HSPA12A: variants seen among roughly 807,000 people sequenced by gnomAD.
HSPA12A encodes heat shock 70 kDa protein 12A.
Under a neutral mutation model 69.2 loss-of-function variants are expected in HSPA12A, and 28 were observed. The ratio of observed to expected loss-of-function variants is 0.40; its 90% CI spans 0.30 to 0.55. The LOEUF is 0.55. HSPA12A is among the 20% of genes least tolerant of loss of function. HSPA12A has a pLI of 0.38. For missense variants in HSPA12A, 686 were observed against 900.7 expected, an observed-to-expected ratio of 0.76 and a Z score of 3.05; for synonymous variants, 345 against 370.5, an observed-to-expected ratio of 0.93 and a Z score of 0.79.
intron 6 of HSPA12A, among the ~76,000 whole-genome samples, chr10:116,685,875 C>A (rs943325848): frequency 6.6e-6 from 1 of 152,180 alleles, no homozygotes; most frequent in African/African-American, 2.4e-5. Context: ...GGAAGGCTGA[C>A]TTTATAAAAC....
upstream of HSPA12A, among the ~76,000 whole-genome samples, chr10:116,747,451 C>T (rs1437279547): frequency 3.9e-5 from 6 of 152,328 alleles, no homozygotes; most frequent in East Asian, 3.9e-4. Context: ...ATTAATAAGA[C>T]GGGACATCCC....
At chr10:116,689,586 A>G (rs1447269473) in intron 6 of HSPA12A, among the ~76,000 whole-genome samples, 7 of 151,496 alleles carry the variant, frequency 4.6e-5, no homozygotes, top group African/African-American at 1.7e-4. Flanking sequence ...TCTCCAGAGA[A>G]ACAGAAGCAG....
rs140350247 is a variant in HSPA12A, at chr10:116,694,825, C to G, written c.547-2358G>C. Among the ~76,000 whole-genome samples, 949 of 152,302 alleles carry G rather than the reference C, an allele frequency of 6.2e-3. 5 individuals are homozygous for G. Among genetic ancestry groups the G allele is most frequent in the Middle Eastern group, 0.014 (4 of 294 alleles). ...CCTGGGTCCACCTCGTTGTGCCCCTCCCCTTCTGCCCTTTTGCCGCCTGGA... is the reference window on the plus strand; with the variant it reads ...CCTGGGTCCACCTCGTTGTGCCCCTGCCCTTCTGCCCTTTTGCCGCCTGGA... On this transcript the variant is annotated intron_variant, in intron 5 of 11. Transcript: ENST00000369209.
intron 2 of HSPA12A, chr10:116,832,960 G>T (rs1845646857): frequency 6.6e-6 from 1 of 152,136 alleles, no homozygotes; most frequent in Non-Finnish European, 1.5e-5. Context: ...GCAGCGGGTA[G>T]GAAAGAGGTC....
At chr10:116,810,469 G>T (rs975532836) in intron 2 of HSPA12A, among the ~76,000 whole-genome samples, 1 of 152,122 alleles carries the variant, frequency 6.6e-6, no homozygotes, top group African/African-American at 2.4e-5. Flanking sequence ...TGAAGGTAAA[G>T]TTATGTTTCA....
At chr10:116,685,748 G>T (rs979797997) in intron 6 of HSPA12A, among the ~76,000 whole-genome samples, 27 of 152,066 alleles carry the variant, frequency 1.8e-4, no homozygotes, top group Admixed American at 5.9e-4. Flanking sequence ...GCTCAGGATA[G>T]AGAGATTTCC....
intron 2 of HSPA12A, among the ~76,000 whole-genome samples, chr10:116,815,780 G>A (rs1200983436): frequency 3.9e-5 from 6 of 152,296 alleles, no homozygotes; most frequent in African/African-American, 1.2e-4. Context: ...CACTCTGCCT[G>A]CTGCTCGGCA....
At chr10:116,711,726 C>T (rs1176610646) in intron 1 of HSPA12A, among the ~76,000 whole-genome samples, 2 of 141,874 alleles carry the variant, frequency 1.4e-5, no homozygotes, top group African/African-American at 2.6e-5. Context: ...TGCAGTGGTG[C>T]GATCTCGGCT....
rs782674186 is a variant in HSPA12A at position 116,679,682 on chromosome 10, T to C, written c.1107A>G (p.Glu369=). 1.2e-6 allele frequency: 2 copies of C among 1,614,240 alleles called. No individual in the cohort carries two copies. Among genetic ancestry groups the C allele is most frequent in the Non-Finnish European group, 1.7e-6 (2 of 1,180,036 alleles). Residue 369 remains glutamate, a synonymous_variant, in exon 10 of 12, where the codon GAA becomes GAG. Transcript: ENST00000369209. ...LYKIFGEDFI[E]QFKIKRPAAW... is the part of the protein sequence containing the mutation. Reference sequence around the variant, plus strand: ...CTGCAGGGCGTTTGATTTTGAATTGTTCAATAAAATCCTCTCCAAATATTT... The same window carrying C: ...CTGCAGGGCGTTTGATTTTGAATTGCTCAATAAAATCCTCTCCAAATATTT...
intron 2 of HSPA12A, among the ~76,000 whole-genome samples, chr10:116,816,665 G>A (rs1589723189): frequency 6.6e-6 from 1 of 152,156 alleles, no homozygotes; most frequent in Non-Finnish European, 1.5e-5. Context: ...GCAGCTGCGT[G>A]GTCTCCCTGA....
chr10:116,834,898 C>G, intron 2 of HSPA12A: 2 of 1,134,822 alleles, frequency 1.8e-6, no homozygotes, highest in Non-Finnish European at 2.2e-6. Flanking sequence ...ATTTCAGATG[C>G]CAGTTTGATA....
intron 9 of HSPA12A, among the ~76,000 whole-genome samples, chr10:116,680,221 C>T (rs149208642): frequency 0.042 from 6,465 of 152,188 alleles, 240 homozygotes; most frequent in East Asian, 0.2. Context: ...AACTCCTGAC[C>T]TCAGGTGATC....
chr10:116,682,135 A>C (rs1554878714), intron 7 of HSPA12A, among the ~76,000 whole-genome samples: 1 of 152,148 alleles, frequency 6.6e-6, no homozygotes, highest in South Asian at 2.1e-4. Flanking sequence ...TTCTCACAAC[A>C]ACCCTTGGAA....
At chr10:116,679,355 CTGAGGGAAGAGAAGT>C in intron 10 of HSPA12A, 133 bp downstream of exon 10, 1 of 880,510 alleles carries the variant, frequency 1.1e-6, no homozygotes. Flanking sequence ...GTGAAAAAAA[CTGAGGGAAGAGAAGT>C]TGAGTCCCTT....
In HSPA12A at chr10:116,710,790, C is replaced by T. The variant is rs958893180; in HGVS notation, c.41-3505G>A. Reference sequence around the variant, plus strand: ...ATATTCCAAATCAAAGATAATTCACCAGCGAATGTCCATCAGTACAGCACA... The same window carrying T: ...ATATTCCAAATCAAAGATAATTCACTAGCGAATGTCCATCAGTACAGCACA... On this transcript the variant is annotated intron_variant, in intron 1 of 11. Transcript: ENST00000369209. This position sits in a 1 kb window ranked among gnomAD's most constrained non-coding sequence, Gnocchi z 4.1. Among the ~76,000 whole-genome samples, 8 of 152,126 alleles carry T rather than the reference C, an allele frequency of 5.3e-5. No individual in the cohort carries two copies. Among genetic ancestry groups the T allele is most frequent in the Non-Finnish European group, 8.8e-5 (6 of 68,014 alleles).
At chr10:116,705,426 G>C (rs1850213711) in intron 2 of HSPA12A, 148 bp from the exon 3 acceptor site, 2 of 1,002,040 alleles carry the variant, frequency 2.0e-6, no homozygotes, top group Admixed American at 3.8e-5. Flanking sequence ...ACCACCTGGG[G>C]AGAAGGCAGC....
At chr10:116,744,894 A>G (rs1851615395), upstream of HSPA12A, among the ~76,000 whole-genome samples, 2 of 152,148 alleles carry the variant, frequency 1.3e-5, no homozygotes, top group African/African-American at 2.4e-5. Context: ...TCCTCCCTGG[A>G]GTCTTCTTCC....
intron 2 of HSPA12A, chr10:116,750,070 C>A: frequency 2.7e-6 from 1 of 363,806 alleles, no homozygotes; most frequent in Non-Finnish European, 5.1e-6. Flanking sequence ...ACATAACTAA[C>A]ACAGAGAGTG....
At chr10:116,720,158 T>C (rs1179391269) in intron 1 of HSPA12A, among the ~76,000 whole-genome samples, 9 of 152,194 alleles carry the variant, frequency 5.9e-5, no homozygotes, top group African/African-American at 2.2e-4. Flanking sequence ...AAAGAGCTGC[T>C]AGAATCAGCC....
Sources: gnomAD v4.1 joint callset for allele counts (sites outside exome capture counted in the v4.1 genomes callset) on GRCh38, gnomAD v4.1.1 for gene constraint, Gnocchi (gnomAD v3.1) non-coding constraint, MANE v1.5 for transcripts, NCBI Gene and HGNC (gene_info 2026-07-23, HGNC 2026-07-21) for gene names.